MCC: variants seen among roughly 807,000 people sequenced by gnomAD.
MCC encodes the protein colorectal mutant cancer protein.
Under a neutral mutation model 116.2 loss-of-function variants are expected in MCC, and 90 were observed. The observed-to-expected ratio is 0.77, with a 90% CI of 0.65 to 0.92. The LOEUF (loss-of-function observed/expected upper bound fraction) is 0.92. MCC is among the 40% of genes least tolerant of loss of function. The pLI is 0.00. For missense variants in MCC, 1,516 were observed against 1,312.2 expected (o/e 1.16, Z -2.40); for synonymous variants, 578 against 510.5 (o/e 1.13, Z -1.78).
intron 3 of MCC, among the ~76,000 whole-genome samples, chr5:113,240,942 C>T (rs1764341471): frequency 6.6e-6 from 1 of 152,194 alleles, no homozygotes; most frequent in African/African-American, 2.4e-5. Context: ...AAGAAGACAC[C>T]TTTGCCCCAT....
intron 3 of MCC, among the ~76,000 whole-genome samples, chr5:113,333,835 GTA>G (rs1554076890): frequency 2.5e-5 from 2 of 81,336 alleles, no homozygotes; most frequent in Admixed American, 1.2e-4. Flanking sequence ...ATGTATATAT[GTA>G]TATATGTATA....
chr5:113,185,200 A>G (rs1358893321), intron 3 of MCC, among the ~76,000 whole-genome samples: 1 of 152,162 alleles, frequency 6.6e-6, no homozygotes, highest in Non-Finnish European at 1.5e-5. Context: ...TGTCTCTAAC[A>G]TGAGGTCCCA....
intron 2 of MCC, among the ~76,000 whole-genome samples, chr5:113,354,306 A>C (rs1768354713): frequency 6.6e-6 from 1 of 152,230 alleles, no homozygotes. Context: ...GATCCCAGTC[A>C]CGTAATCTTA....
intron 3 of MCC, among the ~76,000 whole-genome samples, chr5:113,224,685 G>GA (rs1326365216): frequency 1.3e-5 from 2 of 152,100 alleles, no homozygotes; most frequent in East Asian, 3.9e-4. Context: ...GTTAATAGAG[G>GA]AAAAACCTCA....
intron 17 of MCC, among the ~76,000 whole-genome samples, chr5:113,039,262 G>C (rs368924991): frequency 1.3e-5 from 2 of 152,182 alleles, no homozygotes; most frequent in Non-Finnish European, 2.9e-5. Flanking sequence ...ATGTTGCCCA[G>C]GCTGGATTTG....
intron 2 of MCC, among the ~76,000 whole-genome samples, chr5:113,370,296 T>C (rs1199676517): frequency 6.6e-6 from 1 of 152,224 alleles, no homozygotes. Flanking sequence ...GGCGAAGGTT[T>C]TTCCCTTTGG....
intron 8 of MCC, chr5:113,101,384 AT>A (rs5870532): frequency 0.6 from 102,280 of 170,640 alleles, 32,771 homozygotes; most frequent in Non-Finnish European, 0.72. Context: ...GTAAAATTCC[AT>A]TTTTTTTTTT....
In MCC at chr5:113,281,511, G is replaced by C. The variant is rs142222796; in HGVS notation, c.627+59008C>G. ...TCTCTCCCATGACCTCAATCATGAT[G>C]GTCATCCAAAGGTTACTGGGCACAA... On this transcript the variant is annotated intron_variant, in intron 3 of 18. Transcript: ENST00000408903. 4.1e-3 allele frequency among the ~76,000 whole-genome samples: 625 copies of C among 152,246 alleles called. 7 individuals are homozygous for C. The highest frequency in any genetic ancestry group is 0.014 in the African/African-American group (580 of 41,542).
At chr5:113,062,950 G>A (rs1187636372) in intron 14 of MCC, among the ~76,000 whole-genome samples, 1 of 152,190 alleles carries the variant, frequency 6.6e-6, no homozygotes, top group African/African-American at 2.4e-5. Context: ...CTATCTTTAT[G>A]CAGTTCTGGT....
At chr5:113,484,096 T>C (rs1231302568) in intron 1 of MCC, among the ~76,000 whole-genome samples, 1 of 151,992 alleles carries the variant, frequency 6.6e-6, no homozygotes, top group East Asian at 1.9e-4. Context: ...TAATGGGTAC[T>C]AGGCTTAGCA....
chr5:113,374,789 A>C (rs1472790343), intron 2 of MCC, among the ~76,000 whole-genome samples: 1 of 152,000 alleles, frequency 6.6e-6, no homozygotes, highest in Non-Finnish European at 1.5e-5. Context: ...CCAGAAGTTC[A>C]AGACTAGCCT....
At chr5:113,446,772 A>G (rs1341784159) in intron 1 of MCC, among the ~76,000 whole-genome samples, 1 of 152,154 alleles carries the variant, frequency 6.6e-6, no homozygotes, top group Non-Finnish European at 1.5e-5. Context: ...GGACATAAAG[A>G]TGGCAACAAT....
intron 3 of MCC, among the ~76,000 whole-genome samples, chr5:113,190,806 G>C (rs1462291657): frequency 6.6e-6 from 1 of 152,178 alleles, no homozygotes; most frequent in Non-Finnish European, 1.5e-5. Context: ...ACTGGGTGTG[G>C]GGAACAAGGG....
chr5:113,231,026 A>G (rs915768067), intron 3 of MCC, among the ~76,000 whole-genome samples: 6 of 152,318 alleles, frequency 3.9e-5, no homozygotes, highest in Non-Finnish European at 5.9e-5. Context: ...TACTGCAGTC[A>G]AAAATTTTAA....
intron 1 of MCC, among the ~76,000 whole-genome samples, chr5:113,449,131 G>A (rs184928060): frequency 7.7e-4 from 117 of 152,286 alleles, no homozygotes; most frequent in African/African-American, 2.7e-3. Flanking sequence ...AATGGCTCAC[G>A]AACTAATCAA....
chr5:113,395,298 G>C (rs1769497604), intron 1 of MCC, among the ~76,000 whole-genome samples: 1 of 151,988 alleles, frequency 6.6e-6, no homozygotes, highest in African/African-American at 2.4e-5. Context: ...GATATCATTA[G>C]GTTTTTAAAT....
intron 13 of MCC, among the ~76,000 whole-genome samples, chr5:113,065,538 G>A (rs142665348): frequency 1.2e-3 from 178 of 152,206 alleles, no homozygotes; most frequent in Non-Finnish European, 2.1e-3. Context: ...TGCGGAATTG[G>A]ATGAAGTGGG....
chr5:113,062,280 C>T (rs1753278991), intron 14 of MCC, among the ~76,000 whole-genome samples: 1 of 152,196 alleles, frequency 6.6e-6, no homozygotes, highest in Admixed American at 6.5e-5. Flanking sequence ...AATTAAATTT[C>T]TCTAAGAAAA....
chr5:113,092,656 A>T (rs1755718734), intron 8 of MCC, among the ~76,000 whole-genome samples: 1 of 152,208 alleles, frequency 6.6e-6, no homozygotes, highest in South Asian at 2.1e-4. Flanking sequence ...TCAGTACCAA[A>T]GAAAATTAAA....
Sources: allele counts gnomAD v4.1 joint callset (sites outside exome capture counted in the v4.1 genomes callset), GRCh38; gene constraint gnomAD v4.1.1; transcripts MANE v1.5; gene names NCBI Gene and HGNC (gene_info 2026-07-23, HGNC 2026-07-21).